Variants in PPP4R1 observed in about 807,000 individuals in gnomAD.
PPP4R1 encodes the protein protein phosphatase 4 regulatory subunit 1.
In PPP4R1, 42 loss-of-function variants were observed where a neutral mutation model predicts 111.2. The ratio of observed to expected loss-of-function variants is 0.38; its 90% confidence interval spans 0.29 to 0.49. The LOEUF is 0.49. PPP4R1 is among the 20% of genes least tolerant of loss of function. The pLI is 0.97. For synonymous variants in PPP4R1, 409 were observed against 405.5 expected (o/e 1.01, Z -0.10); for missense variants, 1,012 against 1,161.6 (o/e 0.87, Z 1.87).
chr18:9,599,427 G>A (rs1273304680), intron 2 of PPP4R1, among the ~76,000 whole-genome samples: 1 of 152,054 alleles, frequency 6.6e-6, no homozygotes, highest in East Asian at 1.9e-4. Flanking sequence ...AGAGAATAAA[G>A]GGAACAAGGA....
chr18:9,606,382 C>A (rs1314212438), intron 2 of PPP4R1, among the ~76,000 whole-genome samples: 5 of 152,186 alleles, frequency 3.3e-5, no homozygotes, highest in Non-Finnish European at 7.3e-5. Context: ...TACCTTACAA[C>A]AGCAGATCTG....
At position 9,614,343 on chromosome 18, in the gene PPP4R1, C is replaced by CCA; in HGVS notation, c.8-74_8-73insTG. 2 of 1,064,058 alleles carry CCA rather than the reference C, an allele frequency of 1.9e-6. No individual in the cohort carries two copies. Among genetic ancestry groups the CCA allele is most frequent in the South Asian group, 4.4e-5 (1 of 22,640 alleles). The allele number at this position is 1,064,058 out of a possible 1,614,324, so 65.9% of individuals were successfully genotyped here. On this transcript the variant is annotated intron_variant, in intron 1 of 19. Transcript: ENST00000400556. This position sits in a 1 kb window ranked among gnomAD's most constrained non-coding sequence, Gnocchi z 4.1. ...GGCGCGACGCCCCCCCCCCGCCCGC[C>CCA]TCCCCCCCGCCCCGGGGGCGCCTTC...
chr18:9,608,868 A>AAAAAATAAT (rs1404901633), intron 2 of PPP4R1, among the ~76,000 whole-genome samples: 3 of 152,238 alleles, frequency 2.0e-5, no homozygotes, highest in Admixed American at 1.3e-4. Context: ...AATAAACCAG[A>AAAAAATAAT]GATCAAACAA....
chr18:9,556,931 T>C, intron 15 of PPP4R1: 1 of 230,010 alleles, frequency 4.3e-6, no homozygotes, highest in Non-Finnish European at 8.5e-6. Context: ...TCCTCCTGCA[T>C]GTACTGAGGG....
chr18:9,570,222 G>C lies in PPP4R1; in HGVS notation c.1508C>G (p.Thr503Ser). 1 of 1,572,122 alleles carries C rather than the reference G, an allele frequency of 6.4e-7. No individual in the cohort carries two copies. The highest frequency in any genetic ancestry group is 8.6e-7 in the Non-Finnish European group (1 of 1,162,832). The change falls in exon 11 of 20, where the codon ACC (threonine) becomes AGC (serine). Residue 503 changes from threonine to serine, a missense_variant. Thr to Ser is a moderately conservative substitution (Grantham distance 58). This residue lies in a region of PPP4R1 where 707 missense variants were observed against 742.1 expected (regional missense o/e 0.95). Coordinates refer to ENST00000400556, the MANE Select transcript of PPP4R1 (RefSeq NM_001042388.3). ...VPSSPNITMA[T>S]RKELEEMIEN... is the part of the protein sequence containing the mutation. The stretch of plus-strand genomic sequence containing the variant: ...TATCATTTCTTCCAGTTCCTTTCTG[G>C]TGGCCATGGTGATGTTTGGAGAACT...
chr18:9,584,029 T>A (rs2067075309), intron 8 of PPP4R1, among the ~76,000 whole-genome samples: 2 of 152,294 alleles, frequency 1.3e-5, no homozygotes, highest in African/African-American at 4.8e-5. Context: ...TTTCTGGCTA[T>A]GCAAAAGCAC....
At chr18:9,601,604 T>C (rs1423745965) in intron 2 of PPP4R1, among the ~76,000 whole-genome samples, 3 of 152,176 alleles carry the variant, frequency 2.0e-5, no homozygotes, top group African/African-American at 7.2e-5. Flanking sequence ...GCAATTCTTA[T>C]GCCTCAGCCT....
intron 18 of PPP4R1, chr18:9,549,845 G>A: frequency 1.5e-6 from 1 of 669,350 alleles, no homozygotes; most frequent in Non-Finnish European, 2.5e-6. Context: ...TGTGGTGCAT[G>A]CCAGTGTAAG....
At chr18:9,582,546 C>T (rs2067046657) in intron 9 of PPP4R1, among the ~76,000 whole-genome samples, 1 of 152,088 alleles carries the variant, frequency 6.6e-6, no homozygotes, top group Admixed American at 6.6e-5. Context: ...CAACTATCTA[C>T]AAAGAAAAGC....
chr18:9,559,382 A>G, intron 14 of PPP4R1, 37 bp downstream of exon 14: 1 of 1,557,346 alleles, frequency 6.4e-7, no homozygotes, highest in Non-Finnish European at 8.7e-7. Flanking sequence ...TGCCTTCCAC[A>G]TGCACGTTCT....
intron 4 of PPP4R1, 54 bp downstream of exon 4, chr18:9,593,714 T>C: frequency 6.8e-7 from 1 of 1,481,440 alleles, no homozygotes; most frequent in South Asian, 1.2e-5. Context: ...GAAACACAAA[T>C]TTGATCAAAG....
chr18:9,599,658 A>C (rs1226450031), intron 2 of PPP4R1: 3 of 152,226 alleles, frequency 2.0e-5, no homozygotes, highest in Non-Finnish European at 4.4e-5. Flanking sequence ...TCAGAGCTGT[A>C]AAAGCCACTC....
At chr18:9,612,626 C>T (rs1045767137) in intron 2 of PPP4R1, 2 of 152,164 alleles carry the variant, frequency 1.3e-5, no homozygotes, top group Non-Finnish European at 2.9e-5. Context: ...CTTCTATTTA[C>T]GAAGTCGAAC....
At chr18:9,588,609 G>A in intron 5 of PPP4R1, 102 bp downstream of exon 5, 1 of 1,226,686 alleles carries the variant, frequency 8.2e-7, no homozygotes, top group Non-Finnish European at 1.1e-6. Flanking sequence ...ATTCATTTTT[G>A]AAAAACAGTA....
chr18:9,614,913 G>A (rs1433408658), upstream of PPP4R1: 1 of 151,316 alleles, frequency 6.6e-6, no homozygotes, highest in South Asian at 2.1e-4. This position sits in a 1 kb window ranked among gnomAD's most constrained non-coding sequence, Gnocchi z 4.1. Flanking sequence ...CCCGCGGCCC[G>A]GCCGCTTTAT....
rs146220179 is a variant in PPP4R1 at position 9,583,041 on chromosome 18, T to C, written c.918+76A>G. ...ATATCTTAAATTATAAGTTATTTCT[T>C]ATGAGGTCAAAATTATGTTTGCTTT... On this transcript the variant is annotated intron_variant, in intron 9 of 19. Coordinates refer to ENST00000400556, the MANE Select transcript of PPP4R1 (RefSeq NM_001042388.3). 7.0e-6 allele frequency: 9 copies of C among 1,286,646 alleles called. No individual in the cohort carries two copies. In the African/African-American group the frequency reaches 1.2e-4, roughly 17 times the overall value. The allele number at this position is 1,286,646 out of a possible 1,614,324, so 79.7% of individuals were successfully genotyped here.
intron 11 of PPP4R1, among the ~76,000 whole-genome samples, chr18:9,564,713 T>TGC: frequency 1.9e-5 from 1 of 51,756 alleles, no homozygotes; most frequent in East Asian, 3.6e-4. Context: ...TGTGTGTGTG[T>TGC]GTGTGTGTGT....
At chr18:9,583,846 T>A (rs1309627957) in intron 8 of PPP4R1, among the ~76,000 whole-genome samples, 2 of 151,878 alleles carry the variant, frequency 1.3e-5, no homozygotes, top group Non-Finnish European at 2.9e-5. Flanking sequence ...TTATTTCTTA[T>A]GAGTCAAAAT....
chr18:9,561,922 G>A, intron 13 of PPP4R1, 58 bp downstream of exon 13: 1 of 1,381,622 alleles, frequency 7.2e-7, no homozygotes, highest in South Asian at 1.2e-5. Flanking sequence ...TCAGAAATGG[G>A]CTCTAAAAGA....
Sources: gnomAD v4.1 joint callset for allele counts (sites outside exome capture counted in the v4.1 genomes callset) on GRCh38, gnomAD v4.1.1 for gene constraint, gnomAD v4.1.1 regional missense constraint, Gnocchi (gnomAD v3.1) non-coding constraint, MANE v1.5 for transcripts, NCBI Gene and HGNC (gene_info 2026-07-23, HGNC 2026-07-21) for gene names.